The following RUNX1T1 variants were observed in gnomAD, a reference collection of about 807,000 sequenced individuals.
RUNX1T1 encodes the protein RUNX1 partner transcriptional co-repressor 1.
RUNX1T1 carries 4 observed loss-of-function variants against 62.8 expected under a neutral mutation model. That is an observed-to-expected ratio of 0.06 (90% CI 0.03 to 0.15). The LOEUF (loss-of-function observed/expected upper bound fraction) is 0.15. RUNX1T1 is among the 10% of genes least tolerant of loss of function. RUNX1T1 has a pLI of 1.00. For missense variants in RUNX1T1, 508 were observed against 754.3 expected (o/e 0.67, Z 3.82); for synonymous variants, 291 against 286.0 (o/e 1.02, Z -0.18).
intron 5 of RUNX1T1, among the ~76,000 whole-genome samples, chr8:91,994,272 ATTGCT>A (rs746156135): frequency 7.9e-4 from 120 of 152,308 alleles, no homozygotes; most frequent in Non-Finnish European, 1.4e-3. Context: ...ACCTAATTGC[ATTGCT>A]TTAAAATAAT....
chr8:92,043,888 G>A (rs1828911383), intron 1 of RUNX1T1, among the ~76,000 whole-genome samples: 1 of 148,898 alleles, frequency 6.7e-6, no homozygotes. Flanking sequence ...TGAGGCAGGA[G>A]AATCGCTTGA....
chr8:91,979,400 C>T (rs1450148432), intron 8 of RUNX1T1, among the ~76,000 whole-genome samples: 3 of 152,104 alleles, frequency 2.0e-5, no homozygotes, highest in African/African-American at 7.2e-5. Context: ...TACCCGTTAA[C>T]TCTTAAGTAC....
chr8:92,011,886 A>G (rs536134539), intron 3 of RUNX1T1, among the ~76,000 whole-genome samples: 84 of 152,316 alleles, frequency 5.5e-4, no homozygotes, highest in African/African-American at 1.9e-3. Flanking sequence ...TTAATGAACA[A>G]CAAAGCAATT....
At chr8:92,085,194 A>G (rs1835903823) in intron 1 of RUNX1T1, among the ~76,000 whole-genome samples, 1 of 152,210 alleles carries the variant, frequency 6.6e-6, no homozygotes. Flanking sequence ...CTGGCAGGGA[A>G]GAGCAGCATC....
chr8:92,092,386 T>C (rs1036721670), intron 1 of RUNX1T1, among the ~76,000 whole-genome samples: 1 of 152,210 alleles, frequency 6.6e-6, no homozygotes, highest in Non-Finnish European at 1.5e-5. Context: ...TGATTAGCAG[T>C]ACTATAGAAG....
chr8:92,063,038 C>A, upstream of RUNX1T1: 1 of 890,660 alleles, frequency 1.1e-6, no homozygotes, highest in Non-Finnish European at 1.4e-6. Context: ...CCCCCTACCA[C>A]CCCTCACAAT....
At chr8:92,085,060 C>G (rs1264827832) in intron 1 of RUNX1T1, among the ~76,000 whole-genome samples, 1 of 152,166 alleles carries the variant, frequency 6.6e-6, no homozygotes, top group Non-Finnish European at 1.5e-5. Context: ...CTCATGACCA[C>G]CCTATGAGGC....
upstream of RUNX1T1, chr8:92,102,841 TA>T: frequency 6.6e-7 from 1 of 1,512,950 alleles, no homozygotes; most frequent in Non-Finnish European, 8.8e-7. This position sits in a 1 kb window ranked among gnomAD's most constrained non-coding sequence, Gnocchi z 4.5. Flanking sequence ...GGCCAAGCCC[TA>T]CCGCGGACAC....
At chr8:92,087,002 A>C (rs967822226) in intron 1 of RUNX1T1, among the ~76,000 whole-genome samples, 1 of 152,176 alleles carries the variant, frequency 6.6e-6, no homozygotes, top group Non-Finnish European at 1.5e-5. Flanking sequence ...CCTTTTGCCT[A>C]GCTCAATTTT....
chr8:92,075,923 C>G, intron 2 of RUNX1T1, 42 bp downstream of exon 2: 1 of 1,541,850 alleles, frequency 6.5e-7, no homozygotes, highest in Non-Finnish European at 8.8e-7. Flanking sequence ...TTTTCTGGTA[C>G]GTAAGTAAAT....
intron 1 of RUNX1T1, among the ~76,000 whole-genome samples, chr8:92,031,319 C>T (rs1826181414): frequency 6.6e-6 from 1 of 152,056 alleles, no homozygotes; most frequent in African/African-American, 2.4e-5. Flanking sequence ...TGTGTGTGTA[C>T]TCAAATCATT....
upstream of RUNX1T1, chr8:92,102,921 T>C (rs1253463012): frequency 1.3e-6 from 2 of 1,512,046 alleles, no homozygotes; most frequent in Admixed American, 2.1e-5. The surrounding 1 kb of genome is among the most constrained non-coding windows in gnomAD (Gnocchi z 4.5). Context: ...AAACTTCCCG[T>C]CGTCTCGGCC....
chr8:91,977,970 T>C (rs1814351096), intron 8 of RUNX1T1, among the ~76,000 whole-genome samples: 1 of 152,016 alleles, frequency 6.6e-6, no homozygotes, highest in South Asian at 2.1e-4. Flanking sequence ...ATATTTTTAG[T>C]AGAGATGGGG....
chr8:92,099,737 CA>C (rs1357652806), upstream of RUNX1T1: 2 of 657,218 alleles, frequency 3.0e-6, no homozygotes, highest in Non-Finnish European at 3.8e-6. Flanking sequence ...AGCTGATGTT[CA>C]TATCAAAGAA....
At chr8:91,978,247 G>A (rs1156379837) in intron 8 of RUNX1T1, among the ~76,000 whole-genome samples, 1 of 152,112 alleles carries the variant, frequency 6.6e-6, no homozygotes, top group Non-Finnish European at 1.5e-5. Context: ...ATTGACCATG[G>A]AACACTGGGT....
intron 5 of RUNX1T1, among the ~76,000 whole-genome samples, chr8:92,001,586 C>T (rs1242290078): frequency 6.6e-6 from 1 of 152,026 alleles, no homozygotes; most frequent in African/African-American, 2.4e-5. Flanking sequence ...AAAATAATGG[C>T]ATATAAGAAG....
intron 5 of RUNX1T1, among the ~76,000 whole-genome samples, chr8:92,000,468 AT>A (rs1039381959): frequency 6.6e-5 from 10 of 152,070 alleles, no homozygotes; most frequent in African/African-American, 2.4e-4. Flanking sequence ...AAATCCCTAC[AT>A]TTTTTTCATA....
chr8:92,050,168 TAAG>T (rs1269899045), intron 1 of RUNX1T1, among the ~76,000 whole-genome samples: 7 of 152,212 alleles, frequency 4.6e-5, no homozygotes, highest in Non-Finnish European at 8.8e-5. Context: ...ACATTTTTGT[TAAG>T]AAGAAGAAAT....
chr8:92,065,890 G>C (rs1476460250), upstream of RUNX1T1, among the ~76,000 whole-genome samples: 2 of 152,106 alleles, frequency 1.3e-5, no homozygotes, highest in African/African-American at 2.4e-5. Context: ...TAATTCAAAG[G>C]AGCTGAAACC....
Sources: allele counts gnomAD v4.1 joint callset (sites outside exome capture counted in the v4.1 genomes callset), GRCh38; gene constraint gnomAD v4.1.1; non-coding constraint Gnocchi (gnomAD v3.1); transcripts MANE v1.5; gene names NCBI Gene and HGNC (gene_info 2026-07-23, HGNC 2026-07-21).